TNN: variants seen among roughly 807,000 people sequenced by gnomAD.
The protein encoded by TNN is tenascin-N.
TNN carries 122 observed loss-of-function variants against 134.4 expected under a neutral mutation model. The ratio of observed to expected loss-of-function variants is 0.91; its 90% CI spans 0.78 to 1.06. The LOEUF is 1.06. TNN is among the 50% of genes least tolerant of loss of function. The pLI is 0.00. For synonymous variants in TNN, 710 were observed against 670.3 expected (o/e 1.06, Z -0.91); for missense variants, 1,739 against 1,699.4 (o/e 1.02, Z -0.41).
At chr1:175,118,398 G>C (rs910350313) in intron 10 of TNN, among the ~76,000 whole-genome samples, 163 bp from the exon 11 acceptor site, 12 of 152,110 alleles carry the variant, frequency 7.9e-5, no homozygotes, top group African/African-American at 2.9e-4. Context: ...GTATATCTTG[G>C]GGGAGAAGAT....
At chr1:175,098,790 G>A (rs1674642760) in intron 9 of TNN, among the ~76,000 whole-genome samples, 195 bp downstream of exon 9, 1 of 152,116 alleles carries the variant, frequency 6.6e-6, no homozygotes, top group Non-Finnish European at 1.5e-5. Context: ...CCAAACTCTG[G>A]TCTTTAAAGA....
rs1433978681 is a variant in TNN at position 175,083,934 on chromosome 1, T to G, written c.1233T>G (p.Thr411=). The G allele has an allele frequency of 1.2e-6, 2 of 1,613,630 alleles. No individual in the cohort carries two copies. Among genetic ancestry groups the G allele is most frequent in the East Asian group, 2.2e-5 (1 of 44,864 alleles). Reference sequence around the variant, plus strand: ...ACCCCAAGAGCCGATATGACATCACTGGTAAGAGCCATCACTGGAATGTGA... The same window carrying G: ...ACCCCAAGAGCCGATATGACATCACGGGTAAGAGCCATCACTGGAATGTGA... ...SSDPKSRYDI[T]GLHPGTEYKI... is the part of the protein sequence containing the mutation. Residue 411 remains threonine (T), a splice_region_variant and synonymous_variant, in exon 5 of 19, where the codon ACT becomes ACG. Coordinates refer to ENST00000239462, the MANE Select transcript of TNN (RefSeq NM_022093.2).
At position 175,117,080 on chromosome 1, in the gene TNN, C is replaced by G. The variant is rs111972436; in HGVS notation, c.2261C>G (p.Pro754Arg). ...AAGGACGGAGAGACCAGGGAGGTTC[C>G]GGTGGGGAAGGAGCAGAGTAGCACT... ...SAKDGETREV[P>R]VGKEQSSTVL... is the part of the protein sequence containing the mutation. The change falls in exon 10 of 19, where the codon CCG (proline) becomes CGG (arginine). Residue 754 changes from proline (P) to arginine (R), a missense_variant. Transcript: ENST00000239462. 1.4e-5 allele frequency: 23 copies of G among 1,614,080 alleles called. No homozygotes were observed. Among genetic ancestry groups the G allele is most frequent in the East Asian group, 2.2e-5 (1 of 44,898 alleles).
intron 9 of TNN, among the ~76,000 whole-genome samples, chr1:175,109,633 G>T (rs1344827537): frequency 1.3e-5 from 2 of 150,238 alleles, no homozygotes; most frequent in African/African-American, 4.9e-5. Flanking sequence ...TTTTATGGCT[G>T]AATGGTATTC....
At chr1:175,098,816 C>A (rs748712359) in intron 9 of TNN, among the ~76,000 whole-genome samples, 30 of 152,168 alleles carry the variant, frequency 2.0e-4, no homozygotes, top group Non-Finnish European at 3.5e-4. Context: ...GATCACTGCA[C>A]ATAGTTCTTT....
chr1:175,117,185 C>T lies in TNN; in HGVS notation c.2366C>T (p.Ala789Val). Reference sequence around the variant, plus strand: ...AAGGGGGCCCAGGAGAGCAAGAAGGCTGACACCAAGGCCCAGACAGGTAAG... The same window carrying T: ...AAGGGGGCCCAGGAGAGCAAGAAGGTTGACACCAAGGCCCAGACAGGTAAG... Reference protein sequence around the residue: ...AQKGAQESKKADTKAQTDIDS... With the variant: ...AQKGAQESKKVDTKAQTDIDS... The change falls in exon 10 of 19, where the codon GCT (alanine) becomes GTT (valine). Residue 789 changes from alanine (A) to valine (V), a missense_variant. Physicochemically the swap from Ala to Val is moderately conservative, Grantham distance 64. Coordinates refer to ENST00000239462, the MANE Select transcript of TNN (RefSeq NM_022093.2). 1 of 1,614,116 alleles carries T rather than the reference C, an allele frequency of 6.2e-7. No individual in the cohort carries two copies. The highest frequency in any genetic ancestry group is 2.2e-5 in the East Asian group (1 of 44,900).
intron 16 of TNN, among the ~76,000 whole-genome samples, chr1:175,136,455 G>A (rs1229730807): frequency 6.6e-6 from 1 of 152,242 alleles, no homozygotes; most frequent in Non-Finnish European, 1.5e-5. Context: ...GATGATATTT[G>A]TGGTTTGCTC....
chr1:175,103,068 C>T (rs1674767984), intron 9 of TNN, among the ~76,000 whole-genome samples: 1 of 145,792 alleles, frequency 6.9e-6, no homozygotes, highest in Non-Finnish European at 1.5e-5. Context: ...TTTTGGGGTT[C>T]CATTTGTAAG....
chr1:175,118,894 A>G, intron 11 of TNN, 70 bp downstream of exon 11: 2 of 1,583,574 alleles, frequency 1.3e-6, no homozygotes, highest in Non-Finnish European at 1.7e-6. Context: ...CTGAGTGATG[A>G]TGCAGCTGCT....
At chr1:175,069,426 G>C (rs1211154222) in intron 1 of TNN, among the ~76,000 whole-genome samples, 1 of 152,204 alleles carries the variant, frequency 6.6e-6, no homozygotes, top group Non-Finnish European at 1.5e-5. Flanking sequence ...GGCTGCAGCT[G>C]ACTCCCGAAG....
At position 175,107,475 on chromosome 1, in the gene TNN, T is replaced by A. The variant is rs112618521; in HGVS notation, c.2119+8880T>A. Among the ~76,000 whole-genome samples, 367 of 144,770 alleles carry A rather than the reference T, an allele frequency of 2.5e-3. 31 individuals are homozygous for A. Among genetic ancestry groups the A allele is most frequent in the African/African-American group, 8.8e-3 (353 of 40,240 alleles). 95.0% of individuals were successfully genotyped at this position (144,770 alleles called of 152,430 possible). A position where few individuals can be genotyped will look rare whatever the true frequency, so the allele number is the denominator to read the frequency against. On this transcript the variant is annotated intron_variant, in intron 9 of 18. Transcript: ENST00000239462. ...AAGGCAGCACGTCTGGAGTTGTTCG[T>A]TCCTCCCAGTGGGCTCATGGTCTTG...
chr1:175,130,096 C>G (rs762540895), intron 15 of TNN, among the ~76,000 whole-genome samples: 7 of 152,164 alleles, frequency 4.6e-5, no homozygotes, highest in African/African-American at 1.4e-4. Flanking sequence ...CTCCCCTTGC[C>G]CCTTTTCTCC....
chr1:175,129,161 G>T (rs553194373), intron 15 of TNN, among the ~76,000 whole-genome samples: 24 of 152,274 alleles, frequency 1.6e-4, no homozygotes, highest in Admixed American at 1.6e-3. Flanking sequence ...CTATTACAAT[G>T]GTTCGTGATA....
intron 5 of TNN, among the ~76,000 whole-genome samples, chr1:175,084,653 C>CT (rs1300940422): frequency 6.6e-6 from 1 of 152,202 alleles, no homozygotes; most frequent in Non-Finnish European, 1.5e-5. Context: ...CCTTGTTCTG[C>CT]TGTCCACTCC....
intron 2 of TNN, among the ~76,000 whole-genome samples, 193 bp downstream of exon 2, chr1:175,078,020 AG>A (rs1410418748): frequency 6.6e-6 from 1 of 152,172 alleles, no homozygotes; most frequent in Non-Finnish European, 1.5e-5. Context: ...GGCATCTGGA[AG>A]CTGAGCAGGG....
chr1:175,125,006 G>A (rs1443127001), intron 12 of TNN, among the ~76,000 whole-genome samples: 1 of 152,236 alleles, frequency 6.6e-6, no homozygotes, highest in Non-Finnish European at 1.5e-5. Flanking sequence ...GTGGTGGGCA[G>A]TCAAAGAGGT....
intron 6 of TNN, among the ~76,000 whole-genome samples, chr1:175,091,789 C>A (rs1674455466): frequency 6.6e-6 from 1 of 152,036 alleles, no homozygotes; most frequent in South Asian, 2.1e-4. Context: ...ACGGTTTTGC[C>A]ATGTTGGCCA....
At chr1:175,080,798 CAGTT>C (rs1247113591) in intron 4 of TNN, among the ~76,000 whole-genome samples, 1 of 152,172 alleles carries the variant, frequency 6.6e-6, no homozygotes, top group African/African-American at 2.4e-5. Context: ...CCACCTGTAT[CAGTT>C]AGATTCATCT....
intron 9 of TNN, among the ~76,000 whole-genome samples, chr1:175,105,520 T>G (rs890559157): frequency 6.9e-6 from 1 of 145,456 alleles, no homozygotes; most frequent in Non-Finnish European, 1.5e-5. Flanking sequence ...AAGCTTTGCA[T>G]AGTTGTGTAT....
Sources: gnomAD v4.1 joint callset for allele counts (sites outside exome capture counted in the v4.1 genomes callset) on GRCh38, gnomAD v4.1.1 for gene constraint, MANE v1.5 for transcripts, NCBI Gene and HGNC (gene_info 2026-07-23, HGNC 2026-07-21) for gene names.